Variants in JHY observed in about 807,000 individuals in gnomAD.
The protein encoded by JHY is junctional cadherin complex regulator, also known as jhy protein homolog.
JHY carries 69 observed loss-of-function variants against 78.0 expected under a neutral mutation model. The ratio of observed to expected loss-of-function variants is 0.88; its 90% CI spans 0.73 to 1.08. JHY has a LOEUF of 1.08. JHY is among the 50% of genes least tolerant of loss of function. The pLI, the probability that JHY is intolerant of heterozygous loss-of-function variation, is 0.00. For missense variants in JHY, 944 were observed against 927.8 expected, an observed-to-expected ratio of 1.02 and a Z score of -0.23; for synonymous variants, 368 against 342.6, an observed-to-expected ratio of 1.07 and a Z score of -0.82.
At position 122,960,050 on chromosome 11, in the gene JHY, A is replaced by G. The variant is rs1864279088; in HGVS notation, c.*605A>G. ...GGAGTTTGAGACCAGCCTGGGCAACATGGTGAAACCCCATCTCTACTAAAA... is the reference window on the plus strand; with the variant it reads ...GGAGTTTGAGACCAGCCTGGGCAACGTGGTGAAACCCCATCTCTACTAAAA... On this transcript the variant is annotated 3_prime_UTR_variant, in exon 9 of 9. Coordinates refer to ENST00000227349, the MANE Select transcript of JHY (RefSeq NM_024806.4). 3.3e-5 allele frequency among the ~76,000 whole-genome samples: 5 copies of G among 152,328 alleles called. No homozygotes were observed. Among genetic ancestry groups the G allele is most frequent in the Admixed American group, 3.3e-4 (5 of 15,300 alleles).
intron 6 of JHY, among the ~76,000 whole-genome samples, chr11:122,947,922 C>T (rs886621291): frequency 6.6e-6 from 1 of 152,086 alleles, no homozygotes; most frequent in Non-Finnish European, 1.5e-5. Flanking sequence ...TCTCCCATAC[C>T]AACCTGCCAT....
At chr11:122,944,578 T>A (rs1863929218) in intron 5 of JHY, among the ~76,000 whole-genome samples, 1 of 152,208 alleles carries the variant, frequency 6.6e-6, no homozygotes, top group Non-Finnish European at 1.5e-5. Flanking sequence ...ACTGCTTTTA[T>A]TATTGTTGTC....
At chr11:122,937,482 G>T (rs1294459292) in intron 5 of JHY, among the ~76,000 whole-genome samples, 1 of 151,924 alleles carries the variant, frequency 6.6e-6, no homozygotes, top group Non-Finnish European at 1.5e-5. Context: ...CCTGGCTGAG[G>T]ATTCCCTTTG....
chr11:122,940,582 T>G (rs891423702), intron 5 of JHY, among the ~76,000 whole-genome samples: 1 of 152,196 alleles, frequency 6.6e-6, no homozygotes, highest in Admixed American at 6.5e-5. Flanking sequence ...AGGTAGCGAC[T>G]ACCAGATCTC....
In JHY at chr11:122,931,157, G is replaced by A. The variant is rs183205776; in HGVS notation, c.979-3263G>A. Among the ~76,000 whole-genome samples, 10 of 152,232 alleles carry A rather than the reference G, an allele frequency of 6.6e-5. No individual in the cohort carries two copies. The East Asian group carries it at 1.5e-3, about 24-fold the overall frequency. On this transcript the variant is annotated intron_variant, in intron 4 of 8. Transcript: ENST00000227349. The stretch of plus-strand genomic sequence containing the variant: ...CCTTGGGGGTTAGGATTTAACGTAC[G>A]AGTTTAGGGAAGACACAAACATTCA...
chr11:122,903,850 T>A, intron 2 of JHY, 75 bp from the exon 3 acceptor site: 1 of 1,489,564 alleles, frequency 6.7e-7, no homozygotes, highest in Non-Finnish European at 9.0e-7. Context: ...TGATTTCAAA[T>A]AAAATGTTCA....
chr11:122,962,389 G>T lies in JHY; in HGVS notation c.*2944G>T, dbSNP rs1455835696. ...CTGTATGAAACCTTCTCTTAAAACT[G>T]AAAGCAGTTAGAATTGAGAGTCTGC... On this transcript the variant is annotated 3_prime_UTR_variant, in exon 9 of 9. Transcript: ENST00000227349. Among the ~76,000 whole-genome samples the T allele has an allele frequency of 2.6e-5, 4 of 152,182 alleles. No homozygotes were observed. The highest frequency in any genetic ancestry group is 5.9e-5 in the Non-Finnish European group (4 of 68,026).
intron 4 of JHY, among the ~76,000 whole-genome samples, chr11:122,930,765 G>C (rs1225635351): frequency 6.6e-6 from 1 of 152,168 alleles, no homozygotes; most frequent in Admixed American, 6.5e-5. Flanking sequence ...TATGTTTAAG[G>C]CTCAGGACTC....
chr11:122,886,042 C>T lies in JHY; in HGVS notation c.193C>T (p.Arg65Trp), dbSNP rs774633091. Reference protein sequence around the residue: ...MCHSEFDDRIRGNGMEPDSLD... With the variant: ...MCHSEFDDRIWGNGMEPDSLD... ...CCATTCTGAGTTTGATGATCGAATC[C>T]GGGGCAACGGTATGGAGCCCGACAG... Residue 65 changes from arginine (R) to tryptophan (W), a missense_variant, in exon 2 of 9, where the codon CGG (arginine) becomes TGG (tryptophan). Physicochemically the swap from Arg to Trp is moderately radical, Grantham distance 101. Coordinates refer to ENST00000227349, the MANE Select transcript of JHY (RefSeq NM_024806.4). 12 of 1,613,950 alleles carry T rather than the reference C, an allele frequency of 7.4e-6. No individual in the cohort carries two copies. Among genetic ancestry groups the T allele is most frequent in the African/African-American group, 5.3e-5 (4 of 74,862 alleles).
At chr11:122,886,368 T>G (rs12788291) in intron 2 of JHY, among the ~76,000 whole-genome samples, 175 bp downstream of exon 2, 1 of 152,192 alleles carries the variant, frequency 6.6e-6, no homozygotes, top group Non-Finnish European at 1.5e-5. Context: ...TATTCAGATT[T>G]TTTTTAATTA....
intron 3 of JHY, among the ~76,000 whole-genome samples, chr11:122,908,343 G>A (rs1300086013): frequency 6.6e-6 from 1 of 152,160 alleles, no homozygotes; most frequent in East Asian, 1.9e-4. Flanking sequence ...CTGCCATCAG[G>A]CCTACACTTT....
rs1041013631 is a variant in JHY at position 122,925,042 on chromosome 11, T to C, written c.978+32T>C. The C allele has an allele frequency of 4.0e-6, 6 of 1,482,430 alleles. No homozygotes were observed. The Admixed American group carries it at 6.7e-5, about 17-fold the overall frequency. 91.8% of individuals were successfully genotyped at this position (1,482,430 alleles called of 1,614,324 possible). On this transcript the variant is annotated intron_variant, in intron 4 of 8. Coordinates refer to ENST00000227349, the MANE Select transcript of JHY (RefSeq NM_024806.4). ...TGCTAGATTGCATTTTAAGTGTGTTTCAAGCGATACTGCTGAATATAAGTA... is the reference window on the plus strand; with the variant it reads ...TGCTAGATTGCATTTTAAGTGTGTTCCAAGCGATACTGCTGAATATAAGTA...
Position 122,904,188 on chromosome 11 carries a change from G to A in JHY, c.608G>A (p.Gly203Asp). The A allele has an allele frequency of 6.2e-7, 1 of 1,614,160 alleles. No individual in the cohort carries two copies. The highest frequency in any genetic ancestry group is 2.2e-5 in the East Asian group (1 of 44,886). Residue 203 changes from glycine (G) to aspartate (D), a missense_variant, in exon 3 of 9, where the codon GGT becomes GAT. Coordinates refer to ENST00000227349, the MANE Select transcript of JHY (RefSeq NM_024806.4). ...TTTTTAAGCCCAAACTATGAGCATG[G>A]TGCCCGTCGCAGCAAGCCGTTTTCA... is the stretch of plus-strand genomic sequence containing the variant. ...SEFLSPNYEHGARRSKPFSEL... is the reference protein window; with the variant it reads ...SEFLSPNYEHDARRSKPFSEL...
rs966811120 is a variant in JHY, at chr11:122,955,957, C to T, written c.1930-539C>T. On this transcript the variant is annotated intron_variant, in intron 6 of 8. Coordinates refer to ENST00000227349, the MANE Select transcript of JHY (RefSeq NM_024806.4). Reference sequence around the variant, plus strand: ...GCCCAGTAAACTGTCTAAGACTGGACAAAATGGTAATAGGAACAGTGGCAA... The same window carrying T: ...GCCCAGTAAACTGTCTAAGACTGGATAAAATGGTAATAGGAACAGTGGCAA... Among the ~76,000 whole-genome samples, 12 of 151,918 alleles carry T rather than the reference C, an allele frequency of 7.9e-5. No homozygotes were observed. The South Asian group carries it at 1.7e-3, about 21-fold the overall frequency.
chr11:122,945,161 T>C (rs1303935166), intron 5 of JHY, among the ~76,000 whole-genome samples: 1 of 152,332 alleles, frequency 6.6e-6, no homozygotes, highest in Admixed American at 6.5e-5. Flanking sequence ...TTTTAACTGT[T>C]TTTATTTTAC....
chr11:122,902,642 C>G (rs1862886221), intron 2 of JHY, among the ~76,000 whole-genome samples: 1 of 152,124 alleles, frequency 6.6e-6, no homozygotes, highest in Admixed American at 6.5e-5. Flanking sequence ...CCTCGGGAAA[C>G]TTACAATCAT....
intron 6 of JHY, among the ~76,000 whole-genome samples, chr11:122,955,957 C>A (rs966811120): frequency 6.6e-6 from 1 of 151,918 alleles, no homozygotes; most frequent in African/African-American, 2.4e-5. Context: ...TAAGACTGGA[C>A]AAAATGGTAA....
At position 122,957,342 on chromosome 11, in the gene JHY, T is replaced by C. The variant is rs371342407; in HGVS notation, c.2011-21T>C. 7 of 1,511,800 alleles carry C rather than the reference T, an allele frequency of 4.6e-6. No individual in the cohort carries two copies. The African/African-American group carries it at 1.0e-4, about 22-fold the overall frequency. The allele number at this position is 1,511,800 out of a possible 1,614,324, so 93.6% of individuals were successfully genotyped here. ...GAACTAGCAGCACCTGGATTCATCA[T>C]AACTTTGTTTCTCTGAACAGACGCA... On this transcript the variant is annotated intron_variant, in intron 7 of 8. Transcript: ENST00000227349.
At chr11:122,915,360 A>G (rs765326603) in intron 3 of JHY, among the ~76,000 whole-genome samples, 5 of 152,220 alleles carry the variant, frequency 3.3e-5, no homozygotes, top group Admixed American at 2.0e-4. Flanking sequence ...GTCAATACCA[A>G]GTGAAAACTG....
Sources: gnomAD v4.1 joint callset for allele counts (sites outside exome capture counted in the v4.1 genomes callset) on GRCh38, gnomAD v4.1.1 for gene constraint, MANE v1.5 for transcripts, NCBI Gene and HGNC (gene_info 2026-07-23, HGNC 2026-07-21) for gene names.